CDH13: variants seen among roughly 807,000 people sequenced by gnomAD.
CDH13 encodes the protein cadherin-13.
A neutral mutation model predicts 63.8 loss-of-function variants in CDH13; 24 were observed. That is an observed-to-expected ratio of 0.38 (90% CI 0.27 to 0.53). CDH13 has a LOEUF of 0.53. Ranked by LOEUF, CDH13 falls within the 20% of genes least tolerant of loss-of-function variation. The pLI is 0.85. For synonymous variants in CDH13, 503 were observed against 355.3 expected (o/e 1.42, Z -4.67); for missense variants, 1,049 against 903.1 (o/e 1.16, Z -2.07).
intron 1 of CDH13, among the ~76,000 whole-genome samples, chr16:82,765,755 C>T (rs2035032271): frequency 6.6e-6 from 1 of 152,162 alleles, no homozygotes; most frequent in African/African-American, 2.4e-5. Context: ...AGTGTCATGT[C>T]TTCCTGTGGC....
chr16:82,697,533 A>G (rs1272997259), intron 1 of CDH13, among the ~76,000 whole-genome samples: 1 of 141,788 alleles, frequency 7.1e-6, no homozygotes. Context: ...GGTTCAAGCA[A>G]TTCTTCTGCC....
At chr16:82,908,848 C>A (rs1304343202) in intron 2 of CDH13, among the ~76,000 whole-genome samples, 3 of 152,210 alleles carry the variant, frequency 2.0e-5, no homozygotes, top group Non-Finnish European at 2.9e-5. Flanking sequence ...TGGGTTTGAA[C>A]TGAATGGCTC....
At chr16:83,625,759 A>C (rs7193863) in intron 8 of CDH13, among the ~76,000 whole-genome samples, 151,791 of 152,280 alleles carry the variant, frequency 1, 75,653 homozygotes, top group Middle Eastern at 1. Context: ...ACCCCCTGAA[A>C]TTAGGGAGGG....
At chr16:83,392,129 C>G (rs1209142383) in intron 6 of CDH13, among the ~76,000 whole-genome samples, 1 of 152,174 alleles carries the variant, frequency 6.6e-6, no homozygotes, top group South Asian at 2.1e-4. Context: ...ACACACTGAT[C>G]TTCTGTTAAC....
intron 4 of CDH13, among the ~76,000 whole-genome samples, chr16:83,141,741 C>T (rs1300714099): frequency 2.0e-5 from 3 of 152,158 alleles, no homozygotes; most frequent in African/African-American, 7.2e-5. Flanking sequence ...TTGTTCAGCT[C>T]CCACTTACAA....
intron 1 of CDH13, among the ~76,000 whole-genome samples, chr16:82,781,252 G>C (rs534004850): frequency 6.6e-6 from 1 of 152,140 alleles, no homozygotes; most frequent in Non-Finnish European, 1.5e-5. Flanking sequence ...ATACCAATTG[G>C]CCTATAGCTT....
Position 83,452,111 on chromosome 16 carries a change from C to T in CDH13, c.782-34366C>T, listed in dbSNP as rs2072902113. 2.0e-5 allele frequency among the ~76,000 whole-genome samples: 3 copies of T among 152,280 alleles called. No individual in the cohort carries two copies. The South Asian group carries it at 6.2e-4, about 32-fold the overall frequency. On this transcript the variant is annotated intron_variant, in intron 6 of 13. Coordinates refer to ENST00000567109, the MANE Select transcript of CDH13 (RefSeq NM_001257.5). ...GCCTGAGATTACAGGACAGGAGATA[C>T]ATTTCGATTCAAAGTTCTGAAAATA...
intron 6 of CDH13, among the ~76,000 whole-genome samples, chr16:83,478,807 G>A (rs34037695): frequency 0.11 from 16,207 of 149,306 alleles, 983 homozygotes; most frequent in Non-Finnish European, 0.14. Context: ...CCTCCCACCT[G>A]GCTGGCCAGT....
chr16:82,656,249 C>T (rs189408039), intron 1 of CDH13, among the ~76,000 whole-genome samples: 4 of 151,902 alleles, frequency 2.6e-5, no homozygotes, highest in African/African-American at 7.2e-5. Context: ...AGGAGAATGG[C>T]AGCTGGCTCA....
chr16:83,089,732 A>G (rs897075435), intron 3 of CDH13, among the ~76,000 whole-genome samples: 4 of 152,220 alleles, frequency 2.6e-5, no homozygotes, highest in African/African-American at 9.7e-5. Context: ...CGACTTTGCT[A>G]TAAGGGCTAC....
chr16:82,955,711 C>G (rs970901351), intron 2 of CDH13, among the ~76,000 whole-genome samples: 3 of 152,182 alleles, frequency 2.0e-5, no homozygotes, highest in Non-Finnish European at 2.9e-5. Context: ...GGAAACTGCA[C>G]TAGAAGATAC....
intron 5 of CDH13, among the ~76,000 whole-genome samples, chr16:83,319,336 C>G (rs563947842): frequency 3.3e-5 from 5 of 152,306 alleles, no homozygotes; most frequent in African/African-American, 1.2e-4. Context: ...CGGTGTTTCT[C>G]TGCCAGCAAA....
chr16:83,359,151 A>G (rs758009231), intron 6 of CDH13, among the ~76,000 whole-genome samples: 6 of 152,262 alleles, frequency 3.9e-5, no homozygotes, highest in African/African-American at 7.2e-5. Context: ...AGGGAGATCA[A>G]TGTATTCTGA....
At chr16:83,304,034 G>T (rs74034104) in intron 5 of CDH13, among the ~76,000 whole-genome samples, 1,542 of 152,254 alleles carry the variant, frequency 0.01, 20 homozygotes, top group African/African-American at 0.036. Context: ...CCCAGGGTGT[G>T]CAATGGTATT....
intron 1 of CDH13, among the ~76,000 whole-genome samples, chr16:82,675,452 G>T (rs1913784950): frequency 6.6e-6 from 1 of 152,106 alleles, no homozygotes; most frequent in Non-Finnish European, 1.5e-5. Flanking sequence ...GCTTTTCCAG[G>T]ACCCAGTAAG....
intron 10 of CDH13, among the ~76,000 whole-genome samples, chr16:83,738,359 A>G (rs1911733405): frequency 6.6e-6 from 1 of 152,244 alleles, no homozygotes; most frequent in African/African-American, 2.4e-5. Flanking sequence ...ATACATCGAT[A>G]CATAGGCTGG....
rs1328297998 is a variant in CDH13 at position 83,623,410 on chromosome 16, G to A, written c.1101+20816G>A. Among the ~76,000 whole-genome samples the A allele has an allele frequency of 3.3e-5, 5 of 152,090 alleles. 1 individual carries two copies. The highest frequency in any genetic ancestry group is 2.6e-4 in the Admixed American group (4 of 15,264). On this transcript the variant is annotated intron_variant, in intron 8 of 13. Coordinates refer to ENST00000567109, the MANE Select transcript of CDH13 (RefSeq NM_001257.5). The stretch of plus-strand genomic sequence containing the variant: ...ATGCACTATCGGCTTTATTGCAATC[G>A]GTTTCTGCGTCTTCTGGGCAGCCCC...
intron 1 of CDH13, among the ~76,000 whole-genome samples, chr16:82,760,526 T>A (rs1199865090): frequency 1.3e-5 from 2 of 152,130 alleles, no homozygotes; most frequent in African/African-American, 4.8e-5. Flanking sequence ...GGACCCTGTT[T>A]ACAAAAATGT....
At chr16:83,437,313 G>A (rs1425583236) in intron 6 of CDH13, among the ~76,000 whole-genome samples, 1 of 152,128 alleles carries the variant, frequency 6.6e-6, no homozygotes, top group Non-Finnish European at 1.5e-5. Flanking sequence ...AATATGAAAT[G>A]AATTAATATC....
Sources: gnomAD v4.1 joint callset for allele counts (sites outside exome capture counted in the v4.1 genomes callset) on GRCh38, gnomAD v4.1.1 for gene constraint, MANE v1.5 for transcripts, NCBI Gene and HGNC (gene_info 2026-07-23, HGNC 2026-07-21) for gene names.